RAB27B: variants seen among roughly 807,000 people sequenced by gnomAD.
RAB27B encodes the protein ras-related protein Rab-27B.
RAB27B carries 15 observed loss-of-function variants against 24.6 expected under a neutral mutation model. That is an observed-to-expected ratio of 0.61 (90% CI 0.41 to 0.94). The LOEUF (loss-of-function observed/expected upper bound fraction) is 0.94, where lower values mean the gene tolerates loss of function less well. Among genes scored for constraint, RAB27B ranks in the 40% least tolerant of loss-of-function variants. The probability of loss-of-function intolerance (pLI) is 0.00; values close to 1 mark genes in which losing one functional copy is unlikely to be tolerated. For missense variants in RAB27B, 261 were observed against 266.8 expected (o/e 0.98, Z 0.15); for synonymous variants, 105 against 92.5 (o/e 1.14, Z -0.78).
rs993774853 is a variant in RAB27B at position 54,845,389 on chromosome 18, A to G, written c.-20+16689A>G. Among the ~76,000 whole-genome samples, 24 of 137,192 alleles carry G rather than the reference A, an allele frequency of 1.7e-4. No individual in the cohort carries two copies. The Admixed American group carries it at 1.8e-3, about 10-fold the overall frequency. The allele number at this position is 137,192 out of a possible 152,430, so 90.0% of individuals were successfully genotyped here. ...GCCACTGCACTCCAGCCTGGGCGAT[A>G]AGTGAGACTCCATCTCAAAAAAAAA... On this transcript the variant is annotated intron_variant, in intron 1 of 5. Transcript: ENST00000262094.
At chr18:54,803,759 G>A (rs748438044) in intron 2 of RAB27B, among the ~76,000 whole-genome samples, 4 of 152,174 alleles carry the variant, frequency 2.6e-5, no homozygotes, top group African/African-American at 7.2e-5. Context: ...GTGATTTCTT[G>A]GCTTTGGACT....
intron 1 of RAB27B, among the ~76,000 whole-genome samples, chr18:54,838,291 T>G (rs1325828419): frequency 1.3e-5 from 2 of 152,162 alleles, no homozygotes; most frequent in African/African-American, 4.8e-5. Context: ...GAAATTGACT[T>G]GAAAAACATG....
chr18:54,784,355 T>C (rs1909013082), intron 2 of RAB27B, among the ~76,000 whole-genome samples: 1 of 152,220 alleles, frequency 6.6e-6, no homozygotes, highest in Non-Finnish European at 1.5e-5. Flanking sequence ...TACATGGGTA[T>C]ATTACATGAT....
At chr18:54,849,470 C>A (rs549708487) in intron 1 of RAB27B, among the ~76,000 whole-genome samples, 1 of 152,170 alleles carries the variant, frequency 6.6e-6, no homozygotes, top group Non-Finnish European at 1.5e-5. Flanking sequence ...GTAATCCCAG[C>A]GCTTTGGGAG....
At chr18:54,765,897 T>G (rs1274986544) in intron 2 of RAB27B, among the ~76,000 whole-genome samples, 1 of 152,214 alleles carries the variant, frequency 6.6e-6, no homozygotes, top group Non-Finnish European at 1.5e-5. Context: ...TTCAGAAACT[T>G]AGGTACACAC....
intron 2 of RAB27B, among the ~76,000 whole-genome samples, chr18:54,728,213 G>A (rs1459422769): frequency 1.3e-5 from 2 of 152,212 alleles, no homozygotes; most frequent in Admixed American, 6.5e-5. Flanking sequence ...AGATGGGAGT[G>A]GGGTAGGGGT....
intron 1 of RAB27B, among the ~76,000 whole-genome samples, chr18:54,834,681 A>ATATGTGTG (rs5825093): frequency 1.3e-5 from 2 of 150,030 alleles, no homozygotes; most frequent in African/African-American, 2.5e-5. Flanking sequence ...GTGTATATAT[A>ATATGTGTG]TGTGTGTGTG....
chr18:54,867,355 C>T (rs1249808732), intron 1 of RAB27B, among the ~76,000 whole-genome samples: 1 of 151,600 alleles, frequency 6.6e-6, no homozygotes, highest in Admixed American at 6.6e-5. Flanking sequence ...TGAACAATAG[C>T]ATTATTAATC....
intron 2 of RAB27B, among the ~76,000 whole-genome samples, chr18:54,719,418 T>A (rs373873281): frequency 6.6e-6 from 1 of 152,168 alleles, no homozygotes; most frequent in African/African-American, 2.4e-5. Flanking sequence ...TCTGATATAA[T>A]ATTTACTATA....
intron 2 of RAB27B, among the ~76,000 whole-genome samples, chr18:54,730,350 C>T (rs141779538): frequency 2.6e-5 from 4 of 152,302 alleles, no homozygotes; most frequent in East Asian, 1.9e-4. Flanking sequence ...ACATGGACTG[C>T]GCCTTCCGAC....
intron 4 of RAB27B, among the ~76,000 whole-genome samples, chr18:54,886,512 A>T (rs1343260669): frequency 6.6e-6 from 1 of 152,130 alleles, no homozygotes; most frequent in Non-Finnish European, 1.5e-5. Context: ...ATAACCTTGT[A>T]ACTAATGGGG....
chr18:54,728,900 A>AAAAAAAAAAAAAAAAAAAAAAAAC (rs1909632756), intron 2 of RAB27B, among the ~76,000 whole-genome samples: 1 of 63,950 alleles, frequency 1.6e-5, no homozygotes, highest in Non-Finnish European at 3.3e-5. Flanking sequence ...AAAAAAAAAA[A>AAAAAAAAAAAAAAAAAAAAAAAAC]CCCAAAAAAA....
At chr18:54,750,425 T>C (rs73959270) in intron 2 of RAB27B, among the ~76,000 whole-genome samples, 9,687 of 152,244 alleles carry the variant, frequency 0.064, 391 homozygotes, top group African/African-American at 0.091. Flanking sequence ...TCCTTCCTTC[T>C]TCCTTCTTTT....
intron 1 of RAB27B, among the ~76,000 whole-genome samples, chr18:54,861,786 G>C (rs887673920): frequency 6.6e-6 from 1 of 152,144 alleles, no homozygotes; most frequent in African/African-American, 2.4e-5. Flanking sequence ...TTTTAAAGCA[G>C]CCAAGTTTGA....
In RAB27B at chr18:54,782,034, T is replaced by C. The variant is rs190337229; in HGVS notation, c.-20+63893T>C. On this transcript the variant is annotated intron_variant, in intron 2 of 4. Coordinates refer to the RAB27B transcript ENST00000586570. Reference sequence around the variant, plus strand: ...TTTATTAATTATAGGGATATTTTATTCTGAAGTATAAAGAGTAAGGTTTTA... The same window carrying C: ...TTTATTAATTATAGGGATATTTTATCCTGAAGTATAAAGAGTAAGGTTTTA... Among the ~76,000 whole-genome samples, 437 of 152,368 alleles carry C rather than the reference T, an allele frequency of 2.9e-3. 6 individuals carry two copies. Among genetic ancestry groups the C allele is most frequent in the South Asian group, 0.028 (135 of 4,824 alleles).
chr18:54,853,155 C>T (rs780186344), intron 1 of RAB27B, among the ~76,000 whole-genome samples: 1 of 152,104 alleles, frequency 6.6e-6, no homozygotes, highest in Admixed American at 6.6e-5. Flanking sequence ...ACTGTCTTGA[C>T]GTTCTTTTTG....
chr18:54,731,515 G>A (rs1313668500), intron 2 of RAB27B, among the ~76,000 whole-genome samples: 2 of 152,150 alleles, frequency 1.3e-5, no homozygotes, highest in Non-Finnish European at 2.9e-5. Flanking sequence ...GAGGTTGGGA[G>A]TTGGAGACCA....
At chr18:54,758,754 G>T (rs1908088327) in intron 2 of RAB27B, among the ~76,000 whole-genome samples, 1 of 152,020 alleles carries the variant, frequency 6.6e-6, no homozygotes, top group Admixed American at 6.6e-5. Flanking sequence ...TGAAATGAAG[G>T]CATTCGATGG....
chr18:54,733,653 C>CCT (rs944359402), intron 2 of RAB27B, among the ~76,000 whole-genome samples: 2 of 122,512 alleles, frequency 1.6e-5, no homozygotes, highest in Non-Finnish European at 3.5e-5. Context: ...TTCTAGAGCC[C>CCT]CCCCCCCCCA....
Sources: allele counts gnomAD v4.1 joint callset (sites outside exome capture counted in the v4.1 genomes callset), GRCh38; gene constraint gnomAD v4.1.1; transcripts MANE v1.5; gene names NCBI Gene and HGNC (gene_info 2026-07-23, HGNC 2026-07-21).